The following NFATC3 variants were observed in gnomAD, a reference collection of about 807,000 sequenced individuals.
The protein encoded by NFATC3 is nuclear factor of activated T-cells, cytoplasmic 3.
Under a neutral mutation model 98.6 loss-of-function variants are expected in NFATC3, and 46 were observed. The observed-to-expected ratio is 0.47, with a 90% confidence interval of 0.37 to 0.60. The LOEUF is 0.60. Among genes scored for constraint, NFATC3 ranks in the 20% least tolerant of loss-of-function variants. The probability of loss-of-function intolerance (pLI) is 0.00; values close to 1 mark genes in which losing one functional copy is unlikely to be tolerated. For missense variants in NFATC3, 1,256 were observed against 1,295.5 expected (o/e 0.97, Z 0.47); for synonymous variants, 512 against 472.2 (o/e 1.08, Z -1.09).
intron 8 of NFATC3, among the ~76,000 whole-genome samples, chr16:68,185,811 C>G (rs59816040): frequency 0.013 from 1,907 of 142,776 alleles, 38 homozygotes; most frequent in African/African-American, 0.047. Flanking sequence ...TTCAGTGAGC[C>G]GAGATCGCAC....
At chr16:68,143,044 C>G (rs759801755) in intron 3 of NFATC3, among the ~76,000 whole-genome samples, 1 of 151,654 alleles carries the variant, frequency 6.6e-6, no homozygotes, top group African/African-American at 2.4e-5. Context: ...CCAGCGTGAG[C>G]AATAGTGCGA....
intron 1 of NFATC3, among the ~76,000 whole-genome samples, chr16:68,091,993 G>A (rs978085970): frequency 2.0e-5 from 3 of 152,088 alleles, no homozygotes; most frequent in African/African-American, 7.2e-5. Context: ...ACATAATGTG[G>A]GTCTGCATAT....
At chr16:68,188,652 A>T (rs1016976497) in intron 8 of NFATC3, among the ~76,000 whole-genome samples, 4 of 152,214 alleles carry the variant, frequency 2.6e-5, no homozygotes, top group Admixed American at 1.3e-4. Context: ...AACCAATATC[A>T]ATATCCAGTG....
chr16:68,201,425 T>C (rs1430836277), intron 9 of NFATC3, among the ~76,000 whole-genome samples: 1 of 151,322 alleles, frequency 6.6e-6, no homozygotes, highest in East Asian at 2.0e-4. Context: ...TGTTTGTTTT[T>C]GTTTTTTTTA....
chr16:68,092,603 T>C (rs1293312061), intron 1 of NFATC3, among the ~76,000 whole-genome samples: 1 of 113,730 alleles, frequency 8.8e-6, no homozygotes, highest in African/African-American at 3.2e-5. Context: ...CTACTAAAAA[T>C]ACAAAATTAG....
intron 4 of NFATC3, among the ~76,000 whole-genome samples, chr16:68,165,768 A>G (rs1021218685): frequency 6.6e-5 from 10 of 152,174 alleles, no homozygotes; most frequent in Non-Finnish European, 1.2e-4. Context: ...CTGTGCAATA[A>G]GCATTAGGGT....
At chr16:68,205,995 C>T (rs937173925) in intron 9 of NFATC3, among the ~76,000 whole-genome samples, 1 of 151,914 alleles carries the variant, frequency 6.6e-6, no homozygotes, top group African/African-American at 2.4e-5. Context: ...CCTCCCAAAT[C>T]TATGATCTCT....
chr16:68,163,991 A>G (rs1332787662), intron 4 of NFATC3, among the ~76,000 whole-genome samples: 1 of 151,818 alleles, frequency 6.6e-6, no homozygotes, highest in Admixed American at 6.6e-5. Context: ...CTCACTTCCC[A>G]GACGGGGTGG....
chr16:68,215,693 C>T (rs1181834490), intron 9 of NFATC3, among the ~76,000 whole-genome samples: 1 of 141,646 alleles, frequency 7.1e-6, no homozygotes, highest in Non-Finnish European at 1.5e-5. Context: ...TATTTGCTTG[C>T]TTGCTTCTTT....
intron 9 of NFATC3, chr16:68,200,059 A>G (rs1257560497): frequency 6.6e-6 from 1 of 152,120 alleles, no homozygotes; most frequent in Non-Finnish European, 1.5e-5. Flanking sequence ...TAATACCTCT[A>G]GATTAATTCA....
intron 3 of NFATC3, among the ~76,000 whole-genome samples, chr16:68,143,094 C>T (rs1474581931): frequency 6.6e-6 from 1 of 151,542 alleles, no homozygotes; most frequent in Admixed American, 6.6e-5. Context: ...AAAAATTTAA[C>T]CAGGCATGGT....
chr16:68,102,532 G>C (rs2035430290), intron 1 of NFATC3, among the ~76,000 whole-genome samples: 1 of 151,988 alleles, frequency 6.6e-6, no homozygotes, highest in Non-Finnish European at 1.5e-5. Context: ...TGAAAAGTCT[G>C]ATGCCATTCT....
At chr16:68,107,914 G>GT (rs1426271130) in intron 1 of NFATC3, among the ~76,000 whole-genome samples, 50 of 148,854 alleles carry the variant, frequency 3.4e-4, no homozygotes, top group Admixed American at 3.3e-3. Context: ...TAATGGGGTG[G>GT]TTTATTTTTT....
chr16:68,224,263 C>A (rs1026972547), intron 9 of NFATC3, among the ~76,000 whole-genome samples: 1 of 149,528 alleles, frequency 6.7e-6, no homozygotes, highest in Non-Finnish European at 1.5e-5. Context: ...CTAACCACAG[C>A]TAAGCCAAAT....
intron 3 of NFATC3, among the ~76,000 whole-genome samples, chr16:68,133,520 C>T (rs2037225545): frequency 6.6e-6 from 1 of 152,134 alleles, no homozygotes; most frequent in African/African-American, 2.4e-5. Context: ...TATAAATACT[C>T]ATAAAAATAC....
intron 3 of NFATC3, among the ~76,000 whole-genome samples, chr16:68,154,900 G>A (rs1206094777): frequency 2.0e-5 from 3 of 152,106 alleles, no homozygotes; most frequent in Non-Finnish European, 2.9e-5. Context: ...TCTGAGCAGG[G>A]GAGCCAAAGT....
chr16:68,189,984 C>T (rs531745939), intron 8 of NFATC3, among the ~76,000 whole-genome samples: 20 of 152,182 alleles, frequency 1.3e-4, no homozygotes, highest in South Asian at 1.0e-3. Flanking sequence ...TGTTGCAGTA[C>T]GCCGAGATTG....
chr16:68,089,345 C>T (rs183651922), intron 1 of NFATC3: 162 of 941,942 alleles, frequency 1.7e-4, no homozygotes, highest in Non-Finnish European at 2.0e-4. Flanking sequence ...TTGTGACTGA[C>T]GACTGACTTT....
chr16:68,133,477 G>A (rs1335549567), intron 3 of NFATC3, among the ~76,000 whole-genome samples: 2 of 152,050 alleles, frequency 1.3e-5, no homozygotes, highest in African/African-American at 4.8e-5. Flanking sequence ...CAAACCTTAA[G>A]TTGTACAACG....
Sources: allele counts gnomAD v4.1 joint callset (sites outside exome capture counted in the v4.1 genomes callset), GRCh38; gene constraint gnomAD v4.1.1; transcripts MANE v1.5; gene names NCBI Gene and HGNC (gene_info 2026-07-23, HGNC 2026-07-21).